SCN2A: variants seen among roughly 807,000 people sequenced by gnomAD.
The protein encoded by SCN2A is sodium channel protein type 2 subunit alpha.
SCN2A carries 20 observed loss-of-function variants against 188.7 expected under a neutral mutation model. The observed-to-expected ratio is 0.11, with a 90% CI of 0.07 to 0.15. SCN2A has a LOEUF of 0.15. Among genes scored for constraint, SCN2A ranks in the 10% least tolerant of loss-of-function variants. The probability of loss-of-function intolerance (pLI) is 1.00; values close to 1 mark genes in which losing one functional copy is unlikely to be tolerated. For missense variants in SCN2A, 1,278 were observed against 2,445.0 expected (o/e 0.52, Z 10.07); for synonymous variants, 804 against 833.1 (o/e 0.97, Z 0.60).
Position 165,389,924 on chromosome 2 carries a change from C to G in SCN2A, c.*100C>G. 2 of 1,516,130 alleles carry G rather than the reference C, an allele frequency of 1.3e-6. No individual in the cohort carries two copies. The highest frequency in any genetic ancestry group is 1.8e-6 in the Non-Finnish European group (2 of 1,140,404). The allele number at this position is 1,516,130 out of a possible 1,614,324, so 93.9% of individuals were successfully genotyped here. A position where few individuals can be genotyped will look rare whatever the true frequency, so the allele number is the denominator to read the frequency against. ...ACTCCCACAGGAGGTCTATGCCAAA[C>G]TGACTGTTTTTACAAATGTATACTT... is the stretch of plus-strand genomic sequence containing the variant. On this transcript the variant is annotated 3_prime_UTR_variant, in exon 27 of 27. Transcript: ENST00000375437. The surrounding 1 kb of genome is among the most constrained non-coding windows in gnomAD (Gnocchi z 4.2).
At chr2:165,260,654 CTG>C (rs1455649588) in intron 1 of SCN2A, among the ~76,000 whole-genome samples, 1 of 152,000 alleles carries the variant, frequency 6.6e-6, no homozygotes, top group African/African-American at 2.4e-5. Context: ...ATACCAAACT[CTG>C]TGCAGTCCCT....
At chr2:165,365,069 GC>G in intron 17 of SCN2A, 73 bp from the exon 18 acceptor site, 2 of 1,229,480 alleles carry the variant, frequency 1.6e-6, no homozygotes, top group Non-Finnish European at 2.3e-6. Context: ...TGGGGGGGGG[GC>G]ACACCTAATT....
intron 1 of SCN2A, chr2:165,270,828 T>C (rs1011560874): frequency 2.0e-5 from 3 of 152,186 alleles, no homozygotes; most frequent in African/African-American, 7.2e-5. Context: ...ATCTCAATGC[T>C]GTTAACCTTT....
Position 165,274,889 on chromosome 2 carries a change from A to ATTCT in SCN2A, c.-51-20884_-51-20883insTTCT, listed in dbSNP as rs533833212. 3.1e-3 allele frequency among the ~76,000 whole-genome samples: 476 copies of ATTCT among 152,192 alleles called. 5 individuals carry two copies. The Middle Eastern group carries it at 0.034, about 11-fold the overall frequency. ...CTTTCATCATCCTCCTTCTGTTCTC[A>ATTCT]AGCCAAGGACATAGAATGGCAGAGA... On this transcript the variant is annotated intron_variant, in intron 1 of 26. Transcript: ENST00000375437.
At chr2:165,365,284 T>G (rs551616915) in intron 18 of SCN2A, 21 bp downstream of exon 18, 1 of 1,613,340 alleles carries the variant, frequency 6.2e-7, no homozygotes, top group Non-Finnish European at 8.5e-7. Flanking sequence ...CAATAACATA[T>G]GTGGTCTTGA....
intron 17 of SCN2A, among the ~76,000 whole-genome samples, chr2:165,356,488 T>C (rs1700187233): frequency 6.6e-6 from 1 of 152,212 alleles, no homozygotes; most frequent in Non-Finnish European, 1.5e-5. Flanking sequence ...TCATTTGAAT[T>C]TTGATGTATA....
intron 17 of SCN2A, among the ~76,000 whole-genome samples, chr2:165,362,828 A>G (rs981735647): frequency 4.6e-5 from 7 of 152,076 alleles, no homozygotes; most frequent in Non-Finnish European, 1.0e-4. Context: ...AAGCCATGAA[A>G]AGGTTGGTGA....
chr2:165,297,534 A>C (rs1055911340), intron 3 of SCN2A, among the ~76,000 whole-genome samples: 3 of 152,224 alleles, frequency 2.0e-5, no homozygotes, highest in Admixed American at 2.0e-4. Context: ...ATAAATATAC[A>C]TAATCTGAAT....
chr2:165,296,044 T>C lies in SCN2A; in HGVS notation c.221T>C (p.Val74Ala). ...FIYGDIPPEMVSVPLEDLDPY... is the reference protein window; with the variant it reads ...FIYGDIPPEMASVPLEDLDPY... ...TATGGAGACATTCCTCCAGAGATGG[T>C]GTCAGTGCCCCTGGAGGATCTGGAC... The change falls in exon 2 of 27, where the codon GTG becomes GCG. Residue 74 changes from valine (V) to alanine (A), a missense_variant. Val to Ala is a moderately conservative substitution (Grantham distance 64). This residue lies in a region of SCN2A where 141 missense variants were observed against 185.4 expected (regional missense o/e 0.76). Coordinates refer to ENST00000375437, the MANE Select transcript of SCN2A (RefSeq NM_001040142.2). The C allele has an allele frequency of 6.2e-7, 1 of 1,614,086 alleles. No homozygotes were observed.
intron 1 of SCN2A, chr2:165,243,854 A>C (rs988811441): frequency 5.9e-5 from 9 of 152,212 alleles, no homozygotes; most frequent in African/African-American, 2.2e-4. Flanking sequence ...TGCTGATAAT[A>C]ATGAATACCA....
At chr2:165,300,536 G>A (rs1696751550) in intron 3 of SCN2A, among the ~76,000 whole-genome samples, 1 of 152,166 alleles carries the variant, frequency 6.6e-6, no homozygotes, top group Admixed American at 6.5e-5. Flanking sequence ...TACCAGTTGA[G>A]CAGAGATCCG....
chr2:165,294,149 A>G (rs1207901653), intron 1 of SCN2A: 1 of 950,276 alleles, frequency 1.1e-6, no homozygotes, highest in Non-Finnish European at 1.2e-6. Context: ...ATGTTTTATT[A>G]TTCTTATTAT....
At chr2:165,242,119 C>T (rs1693650611) in intron 1 of SCN2A, among the ~76,000 whole-genome samples, 1 of 152,044 alleles carries the variant, frequency 6.6e-6, no homozygotes, top group Admixed American at 6.6e-5. Context: ...CATACTGACA[C>T]ATACTCATAC....
rs1322762938 is a variant in SCN2A at position 165,354,571 on chromosome 2, G to A, written c.3299G>A (p.Ser1100Asn). The change falls in exon 17 of 27, where the codon AGC becomes AAC. Residue 1100 changes from serine to asparagine, a missense_variant. Ser to Asn is a conservative substitution (Grantham distance 46). Around this residue, in one of 17 missense-constraint regions of SCN2A, gnomAD observed 228 missense variants for 297.3 expected, o/e 0.77. Coordinates refer to ENST00000375437, the MANE Select transcript of SCN2A (RefSeq NM_001040142.2). ...TACATGTCATTTATAAACAACCCTA[G>A]CCTCACTGTGACAGTACCAATTGCT... ...SDYMSFINNPSLTVTVPIAVG... is the reference protein window; with the variant it reads ...SDYMSFINNPNLTVTVPIAVG... The A allele has an allele frequency of 6.2e-7, 1 of 1,613,908 alleles. No individual in the cohort carries two copies. Among genetic ancestry groups the A allele is most frequent in the Non-Finnish European group, 8.5e-7 (1 of 1,179,970 alleles).
intron 17 of SCN2A, among the ~76,000 whole-genome samples, chr2:165,355,062 C>T (rs1385814979): frequency 2.0e-5 from 3 of 152,194 alleles, no homozygotes; most frequent in Admixed American, 6.5e-5. Context: ...CAATTCTCAT[C>T]TTGCTATGTT....
At chr2:165,319,655 A>ACATG (rs1697967857) in intron 11 of SCN2A, among the ~76,000 whole-genome samples, 2 of 152,154 alleles carry the variant, frequency 1.3e-5, no homozygotes, top group African/African-American at 2.4e-5. Context: ...GCCACACCTT[A>ACATG]CATGGATGGT....
intron 1 of SCN2A, chr2:165,243,705 G>A (rs1365810858): frequency 6.6e-6 from 1 of 151,826 alleles, no homozygotes; most frequent in Non-Finnish European, 1.5e-5. Flanking sequence ...ATTTCTTCTG[G>A]CAGTTACAGA....
intron 3 of SCN2A, among the ~76,000 whole-genome samples, chr2:165,306,507 TGTGTGTGTGTGTGTGTG>T (rs1559350253): frequency 0.012 from 8 of 644 alleles, no homozygotes; most frequent in East Asian, 0.17. Context: ...TGGTATTTTG[TGTGTGTGTGTGTGTGTG>T]TGTGTGTGTG....
At chr2:165,261,055 T>C (rs1398715936) in intron 1 of SCN2A, among the ~76,000 whole-genome samples, 1 of 152,010 alleles carries the variant, frequency 6.6e-6, no homozygotes, top group Admixed American at 6.6e-5. Flanking sequence ...ATCTCTACAT[T>C]ACTTATGACA....
Sources: gnomAD v4.1 joint callset for allele counts (sites outside exome capture counted in the v4.1 genomes callset) on GRCh38, gnomAD v4.1.1 for gene constraint, gnomAD v4.1.1 regional missense constraint, Gnocchi (gnomAD v3.1) non-coding constraint, MANE v1.5 for transcripts, NCBI Gene and HGNC (gene_info 2026-07-23, HGNC 2026-07-21) for gene names.